Variants in C4orf36 observed in about 807,000 individuals in gnomAD.
C4orf36 encodes the protein uncharacterized protein C4orf36.
A neutral mutation model predicts 12.2 loss-of-function variants in C4orf36; 11 were observed. That is an observed-to-expected ratio of 0.90 (90% confidence interval 0.57 to 1.49). The LOEUF is 1.49. Among genes scored for constraint, C4orf36 ranks in the 40% most tolerant of loss-of-function variants. The probability of loss-of-function intolerance (pLI) is 0.00; values close to 1 mark genes in which losing one functional copy is unlikely to be tolerated. For missense variants in C4orf36, 137 were observed against 133.9 expected (o/e 1.02, Z -0.11); for synonymous variants, 54 against 51.3 (o/e 1.05, Z -0.22).
chr4:86,935,894 CTG>C, the C4orf36 span: 4 of 152,332 alleles, frequency 2.6e-5, no homozygotes, highest in Admixed American at 2.0e-4. Context: ...GTCCCATCCT[CTG>C]TGGCCGTCGC....
chr4:86,919,461 C>T, the C4orf36 span, among the ~76,000 whole-genome samples: 3 of 150,784 alleles, frequency 2.0e-5, no homozygotes, highest in Non-Finnish European at 4.4e-5. Context: ...TAGCTGGGAT[C>T]GCAGGCATGC....
At chr4:86,913,495 T>C in the C4orf36 span, 1 of 799,124 alleles carries the variant, frequency 1.3e-6, no homozygotes, top group Non-Finnish European at 2.2e-6. Context: ...ATGCTCTGTT[T>C]TGGAACGTCC....
At chr4:86,915,658 A>G in the C4orf36 span, among the ~76,000 whole-genome samples, 1 of 152,134 alleles carries the variant, frequency 6.6e-6, no homozygotes, top group Non-Finnish European at 1.5e-5. Flanking sequence ...ATGGTGGTGC[A>G]TGCCTGTAAT....
chr4:86,932,606 T>C, the C4orf36 span, among the ~76,000 whole-genome samples: 3 of 152,056 alleles, frequency 2.0e-5, no homozygotes, highest in Admixed American at 6.6e-5. Flanking sequence ...GCTCTGAGAA[T>C]ACATCCTGTG....
the C4orf36 span, among the ~76,000 whole-genome samples, chr4:86,911,869 G>GT: frequency 1.2e-4 from 18 of 151,246 alleles, no homozygotes; most frequent in East Asian, 3.1e-3. Context: ...AAAAAAAAAT[G>GT]TTTTTTTGAG....
chr4:86,913,926 G>C, the C4orf36 span: 1 of 1,364,990 alleles, frequency 7.3e-7, no homozygotes, highest in East Asian at 2.4e-5. Context: ...CCGGGCTCAC[G>C]CCATTCTCCT....
At chr4:86,907,959 G>GAA in the C4orf36 span, among the ~76,000 whole-genome samples, 1 of 108,702 alleles carries the variant, frequency 9.2e-6, no homozygotes. Context: ...CTGTGCCTCA[G>GAA]AAAAAAAAAA....
chr4:86,885,076 T>C (rs1278838538), intron 4 of C4orf36, among the ~76,000 whole-genome samples: 1 of 152,208 alleles, frequency 6.6e-6, no homozygotes, highest in Admixed American at 6.5e-5. Context: ...TTGGTACCAG[T>C]ACCATGCTGT....
chr4:86,914,636 C>T, the C4orf36 span: 2 of 328,276 alleles, frequency 6.1e-6, no homozygotes, highest in Non-Finnish European at 1.2e-5. Context: ...CTCCTGATCT[C>T]GTGATCCACC....
chr4:86,888,644 G>A (rs1295333765), intron 2 of C4orf36, among the ~76,000 whole-genome samples: 1 of 152,194 alleles, frequency 6.6e-6, no homozygotes, highest in Non-Finnish European at 1.5e-5. Context: ...ATCATACATT[G>A]AGCAGGGTGC....
Position 86,888,183 on chromosome 4 carries a change from C to A in C4orf36, c.158G>T (p.Gly53Val). The change falls in exon 3 of 5, where the codon GGT (glycine) becomes GTT (valine). Residue 53 changes from glycine (G) to valine (V), a missense_variant. Transcript: ENST00000295898. ...KLPFLEEISF[G>V]GSVQLTKCTT... ...ACATTTTGTGAGCTGCACAGAACCA[C>A]CAAATGAAATTTCTTCCAAGAAAGG... The A allele has an allele frequency of 6.2e-7, 1 of 1,614,172 alleles. No individual in the cohort carries two copies. The highest frequency in any genetic ancestry group is 1.3e-5 in the African/African-American group (1 of 75,068).
chr4:86,892,130 C>A, intron 1 of C4orf36, 53 bp downstream of exon 1: 5 of 985,678 alleles, frequency 5.1e-6, no homozygotes, highest in Non-Finnish European at 6.0e-6. Flanking sequence ...GCCTCGGCCG[C>A]CCACAGAGCC....
the C4orf36 span, among the ~76,000 whole-genome samples, chr4:86,912,323 T>G: frequency 6.6e-6 from 1 of 152,248 alleles, no homozygotes; most frequent in Non-Finnish European, 1.5e-5. Flanking sequence ...GCCCAGCCGA[T>G]TGTCTCTTTT....
intron 4 of C4orf36, among the ~76,000 whole-genome samples, chr4:86,876,947 G>A (rs184511967): frequency 6.2e-4 from 95 of 152,158 alleles, no homozygotes; most frequent in African/African-American, 2.2e-3. Flanking sequence ...GATATATTGC[G>A]CAGTAGATTT....
the C4orf36 span, among the ~76,000 whole-genome samples, chr4:86,927,993 A>G: frequency 1.3e-5 from 2 of 152,212 alleles, no homozygotes; most frequent in African/African-American, 4.8e-5. Context: ...CTGAGAGACA[A>G]TGCAGCTGGG....
At chr4:86,899,723 C>T in the C4orf36 span, among the ~76,000 whole-genome samples, 2 of 151,998 alleles carry the variant, frequency 1.3e-5, no homozygotes, top group Admixed American at 6.6e-5. Context: ...CCCAGCTACT[C>T]AGGAGGCTGA....
the C4orf36 span, among the ~76,000 whole-genome samples, chr4:86,905,271 T>C: frequency 2.0e-5 from 3 of 151,378 alleles, no homozygotes; most frequent in Non-Finnish European, 4.4e-5. Flanking sequence ...TCGTCCTTGC[T>C]ACTCAGGAAG....
chr4:86,900,588 A>G, the C4orf36 span, among the ~76,000 whole-genome samples: 1 of 152,044 alleles, frequency 6.6e-6, no homozygotes, highest in African/African-American at 2.4e-5. Flanking sequence ...AAAAGGCCAG[A>G]CCCCTCTTTC....
intron 3 of C4orf36, 88 bp downstream of exon 3, chr4:86,888,033 G>T: frequency 6.5e-7 from 1 of 1,542,314 alleles, no homozygotes; most frequent in Non-Finnish European, 8.8e-7. Flanking sequence ...GGAGGTATGG[G>T]TGTAAATACA....
Sources: gnomAD v4.1 joint callset for allele counts (sites outside exome capture counted in the v4.1 genomes callset) on GRCh38, gnomAD v4.1.1 for gene constraint, MANE v1.5 for transcripts, NCBI Gene and HGNC (gene_info 2026-07-23, HGNC 2026-07-21) for gene names.